Variants in ASPA observed in about 807,000 individuals in gnomAD.
ASPA encodes aspartoacylase, also known as ACY-2.
A neutral mutation model predicts 29.6 loss-of-function variants in ASPA; 25 were observed. The ratio of observed to expected loss-of-function variants is 0.85; its 90% CI spans 0.62 to 1.18. The LOEUF is 1.18. ASPA is among the 50% of genes most tolerant of loss of function. The pLI is 0.00. For synonymous variants in ASPA, 131 were observed against 130.3 expected (o/e 1.01, Z -0.04); for missense variants, 333 against 385.7 (o/e 0.86, Z 1.14).
chr17:3,482,073 C>T (rs1004159982), intron 2 of ASPA, among the ~76,000 whole-genome samples: 1 of 152,026 alleles, frequency 6.6e-6, no homozygotes, highest in Non-Finnish European at 1.5e-5. Flanking sequence ...TAAAATTACA[C>T]GTTTTATCCA....
At chr17:3,498,748 C>T in intron 5 of ASPA, 143 bp from the exon 6 acceptor site, 1 of 767,888 alleles carries the variant, frequency 1.3e-6, no homozygotes, top group Non-Finnish European at 1.9e-6. Context: ...AGTCAGATCA[C>T]TTGCCTGCAT....
chr17:3,487,073 C>CGTGTGTGTGTGTGTGT (rs59690349), intron 3 of ASPA, among the ~76,000 whole-genome samples: 4 of 150,770 alleles, frequency 2.7e-5, no homozygotes, highest in African/African-American at 9.8e-5. Flanking sequence ...TGTGTGTGTG[C>CGTGTGTGTGTGTGTGT]GTGTGTGTGT....
rs1394794641 is a variant in ASPA, at chr17:3,490,034, G to T, written c.634+692G>T. Among the ~76,000 whole-genome samples the T allele has an allele frequency of 6.6e-6, 1 of 152,176 alleles. No homozygotes were observed. The highest frequency in any genetic ancestry group is 1.5e-5 in the Non-Finnish European group (1 of 68,022). On this transcript the variant is annotated intron_variant, in intron 4 of 5. Coordinates refer to ENST00000263080, the MANE Select transcript of ASPA (RefSeq NM_000049.4). The surrounding 1 kb of genome is among the most constrained non-coding windows in gnomAD (Gnocchi z 4.6). Reference sequence around the variant, plus strand: ...GGTAATTAGCAGAAAGCAAGTTGCAGACCAAGACATTCAGTACACCAATTG... The same window carrying T: ...GGTAATTAGCAGAAAGCAAGTTGCATACCAAGACATTCAGTACACCAATTG...
At chr17:3,496,566 A>C (rs1284817873) in intron 5 of ASPA, among the ~76,000 whole-genome samples, 1 of 152,144 alleles carries the variant, frequency 6.6e-6, no homozygotes, top group Non-Finnish European at 1.5e-5. Flanking sequence ...AGGAGGAGTG[A>C]GCAGAGGACG....
At position 3,489,299 on chromosome 17, in the gene ASPA, A is replaced by G. The variant is rs777170306; in HGVS notation, c.591A>G (p.Lys197=). ...CTGATATCTTGGATCAAATGAGAAAAATGATTAAACATGCTCTTGATTTTA... is the reference window on the plus strand; with the variant it reads ...CTGATATCTTGGATCAAATGAGAAAGATGATTAAACATGCTCTTGATTTTA... ...LRADILDQMR[K]MIKHALDFIH... The change falls in exon 4 of 6, where the codon AAA becomes AAG. Residue 197 remains lysine, a synonymous_variant. Coordinates refer to ENST00000263080, the MANE Select transcript of ASPA (RefSeq NM_000049.4). 2.5e-6 allele frequency: 4 copies of G among 1,613,282 alleles called. No homozygotes were observed. The highest frequency in any genetic ancestry group is 3.4e-6 in the Non-Finnish European group (4 of 1,179,766).
At chr17:3,482,334 G>A (rs1047307471) in intron 2 of ASPA, among the ~76,000 whole-genome samples, 5 of 152,118 alleles carry the variant, frequency 3.3e-5, no homozygotes, top group South Asian at 4.1e-4. Flanking sequence ...CCCAGAATAC[G>A]TCTAATCTTT....
intron 1 of ASPA, 151 bp from the exon 2 acceptor site, chr17:3,481,452 A>G: frequency 1.5e-6 from 1 of 681,156 alleles, no homozygotes; most frequent in African/African-American, 1.8e-5. Flanking sequence ...AAGTTTTCAT[A>G]TATAAACATT....
rs986601109 is a variant in ASPA, at chr17:3,499,594, T to A, written c.*506T>A. ...ATTTCAAGCTTTTTTATGATTTATT[T>A]ATTATATCTGCTATGGTGATCTGTG... On this transcript the variant is annotated 3_prime_UTR_variant, in exon 6 of 6. Transcript: ENST00000263080. 1 of 153,066 alleles carries A rather than the reference T, an allele frequency of 6.5e-6. No individual in the cohort carries two copies. The highest frequency in any genetic ancestry group is 1.9e-4 in the East Asian group (1 of 5,210). The allele number at this position is 153,066 out of a possible 1,614,324, so 9.5% of individuals were successfully genotyped here.
chr17:3,495,715 C>G (rs2073897815), intron 5 of ASPA, among the ~76,000 whole-genome samples: 1 of 152,080 alleles, frequency 6.6e-6, no homozygotes, highest in Non-Finnish European at 1.5e-5. Flanking sequence ...ATTACAGGCT[C>G]ACGTCACCAC....
chr17:3,482,253 T>A (rs1244623364), intron 2 of ASPA, among the ~76,000 whole-genome samples: 2 of 152,230 alleles, frequency 1.3e-5, no homozygotes, highest in African/African-American at 2.4e-5. Flanking sequence ...TCCTTTAACG[T>A]AGACTAAAGC....
At chr17:3,482,327 A>G (rs561562024) in intron 2 of ASPA, among the ~76,000 whole-genome samples, 8 of 152,330 alleles carry the variant, frequency 5.3e-5, no homozygotes, top group Admixed American at 4.6e-4. Flanking sequence ...TAGACACCCC[A>G]GAATACGTCT....
At chr17:3,489,632 T>C (rs917123244) in intron 4 of ASPA, among the ~76,000 whole-genome samples, 1 of 152,122 alleles carries the variant, frequency 6.6e-6, no homozygotes, top group African/African-American at 2.4e-5. Flanking sequence ...CACTAGTAAT[T>C]AGAGAAATGC....
At chr17:3,484,701 G>A (rs2073689588) in intron 3 of ASPA, among the ~76,000 whole-genome samples, 1 of 152,188 alleles carries the variant, frequency 6.6e-6, no homozygotes, top group Non-Finnish European at 1.5e-5. Context: ...TTTTAGCAAT[G>A]TCAAATTGCT....
rs1342547785 is a variant in ASPA, at chr17:3,483,544, C to T, written c.478C>T (p.Pro160Ser). 3.1e-6 allele frequency: 5 copies of T among 1,614,176 alleles called. No homozygotes were observed. The highest frequency in any genetic ancestry group is 4.2e-6 in the Non-Finnish European group (5 of 1,180,026). ...LPCYVYLIEH[P>S]SLKYATTRSI... The stretch of plus-strand genomic sequence containing the variant: ...CTGCTACGTTTATCTGATTGAGCAT[C>T]CTTCCCTCAAATATGCGACCACTCG... The change falls in exon 3 of 6, where the codon CCT becomes TCT. Residue 160 changes from proline to serine, a missense_variant. Pro to Ser is a moderately conservative substitution (Grantham distance 74, BLOSUM62 -1). Coordinates refer to ENST00000263080, the MANE Select transcript of ASPA (RefSeq NM_000049.4).
intron 2 of ASPA, 79 bp from the exon 3 acceptor site, chr17:3,483,420 G>C (rs1367021800): frequency 8.5e-7 from 1 of 1,177,466 alleles, no homozygotes; most frequent in South Asian, 1.2e-5. Context: ...ACGTATTGAA[G>C]GTATTATTGA....
Position 3,503,320 on chromosome 17 carries a change from ATTC to A in ASPA, c.*4235_*4237del, listed in dbSNP as rs985150358. 3.9e-5 allele frequency: 6 copies of A among 152,160 alleles called. No homozygotes were observed. The highest frequency in any genetic ancestry group is 7.4e-5 in the Non-Finnish European group (5 of 68,024). 9.4% of individuals were successfully genotyped at this position (152,160 alleles called of 1,614,324 possible). On this transcript the variant is annotated 3_prime_UTR_variant, in exon 6 of 6. Transcript: ENST00000263080. ...ATACTCAGTGTTCTGGAAAGCCCAT[ATTC>A]TTTCTAAATTTTTCAGCATTTTTTT...
At position 3,476,028 on chromosome 17, in the gene ASPA, C is replaced by T. The variant is rs968694174; in HGVS notation, c.-132C>T. The T allele has an allele frequency of 3.8e-6, 3 of 794,050 alleles. No individual in the cohort carries two copies. The highest frequency in any genetic ancestry group is 6.2e-6 in the Non-Finnish European group (3 of 487,244). The allele number at this position is 794,050 out of a possible 1,614,324, so 49.2% of individuals were successfully genotyped here. On this transcript the variant is annotated 5_prime_UTR_variant, in exon 1 of 6. Transcript: ENST00000263080. ...TGTAACAGAAAATTAAAATATACTC[C>T]ACTCAAGGGAATTCTGTACTTTGCC... is the stretch of plus-strand genomic sequence containing the variant.
chr17:3,489,317 T>G lies in ASPA; in HGVS notation c.609T>G (p.Leu203=), dbSNP rs1373623731. The part of the protein sequence containing the change: ...DQMRKMIKHA[L]DFIHHFNEGK... ...TGAGAAAAATGATTAAACATGCTCT[T>G]GATTTTATACATCATTTCAATGAAG... Residue 203 remains leucine (L), a synonymous_variant, in exon 4 of 6, where the codon CTT becomes CTG. Coordinates refer to ENST00000263080, the MANE Select transcript of ASPA (RefSeq NM_000049.4). The G allele has an allele frequency of 1.9e-6, 3 of 1,611,454 alleles. No homozygotes were observed. The highest frequency in any genetic ancestry group is 2.5e-6 in the Non-Finnish European group (3 of 1,177,838).
In ASPA at chr17:3,485,787, A is replaced by T. The variant is rs1161851134; in HGVS notation, c.526+2195A>T. ...CAGTAGAAGACACAAGACTCCTAAA[A>T]CAGAGACAAAGAATAGATTATTGAC... On this transcript the variant is annotated intron_variant, in intron 3 of 5. Coordinates refer to ENST00000263080, the MANE Select transcript of ASPA (RefSeq NM_000049.4). The surrounding 1 kb of genome is among the most constrained non-coding windows in gnomAD (Gnocchi z 4.4). Among the ~76,000 whole-genome samples the T allele has an allele frequency of 6.6e-6, 1 of 152,214 alleles. No individual in the cohort carries two copies. The highest frequency in any genetic ancestry group is 6.5e-5 in the Admixed American group (1 of 15,278).
Sources: gnomAD v4.1 joint callset for allele counts (sites outside exome capture counted in the v4.1 genomes callset) on GRCh38, gnomAD v4.1.1 for gene constraint, Gnocchi (gnomAD v3.1) non-coding constraint, MANE v1.5 for transcripts, NCBI Gene and HGNC (gene_info 2026-07-23, HGNC 2026-07-21) for gene names.